DAB1: variants seen among roughly 807,000 people sequenced by gnomAD.
DAB1 encodes DAB adaptor protein 1.
DAB1 carries 15 observed loss-of-function variants against 64.6 expected under a neutral mutation model. The observed-to-expected ratio is 0.23, with a 90% CI of 0.16 to 0.36. The LOEUF (loss-of-function observed/expected upper bound fraction) is 0.36. Among genes scored for constraint, DAB1 ranks in the 10% least tolerant of loss-of-function variants. The pLI is 1.00. For synonymous variants in DAB1, 235 were observed against 251.9 expected, an observed-to-expected ratio of 0.93 and a Z score of 0.64; for missense variants, 596 against 706.7, an observed-to-expected ratio of 0.84 and a Z score of 1.78.
At chr1:58,448,112 T>C (rs941766212) in intron 3 of DAB1, among the ~76,000 whole-genome samples, 1 of 152,156 alleles carries the variant, frequency 6.6e-6, no homozygotes, top group Non-Finnish European at 1.5e-5. Flanking sequence ...AGGCTCCTTT[T>C]TCTTTTGCAG....
intron 4 of DAB1, among the ~76,000 whole-genome samples, chr1:58,195,136 GA>G (rs1557690669): frequency 1.2e-4 from 18 of 151,560 alleles, no homozygotes; most frequent in African/African-American, 4.1e-4. Flanking sequence ...GAGAGAGAGA[GA>G]GAGAGACAGA....
chr1:57,623,188 C>G (rs1297167547), intron 7 of DAB1, among the ~76,000 whole-genome samples: 1 of 152,144 alleles, frequency 6.6e-6, no homozygotes. Context: ...AGGGGGCCGG[C>G]AGAGCTGACA....
At chr1:58,341,359 T>TA (rs1219302364) in intron 4 of DAB1, among the ~76,000 whole-genome samples, 1 of 152,148 alleles carries the variant, frequency 6.6e-6, no homozygotes, top group Non-Finnish European at 1.5e-5. Context: ...GACACCTACT[T>TA]AGAAGCAAAA....
chr1:58,115,880 C>A (rs1652294566), intron 5 of DAB1, among the ~76,000 whole-genome samples: 1 of 128,328 alleles, frequency 7.8e-6, no homozygotes, highest in Non-Finnish European at 1.6e-5. Context: ...GGAGATATAC[C>A]TAATGCTAGA....
At chr1:58,244,289 T>G (rs1469019508) in intron 4 of DAB1, among the ~76,000 whole-genome samples, 1 of 152,218 alleles carries the variant, frequency 6.6e-6, no homozygotes, top group African/African-American at 2.4e-5. Context: ...TGATGATGGT[T>G]CTACTGCTGA....
At chr1:58,473,090 T>G (rs1645379265) in intron 3 of DAB1, among the ~76,000 whole-genome samples, 1 of 152,170 alleles carries the variant, frequency 6.6e-6, no homozygotes, top group Non-Finnish European at 1.5e-5. Context: ...TTGTCATGCT[T>G]TACAAACCAT....
chr1:58,476,029 G>A (rs560534569), intron 3 of DAB1, among the ~76,000 whole-genome samples: 114 of 152,022 alleles, frequency 7.5e-4, no homozygotes, highest in Non-Finnish European at 1.3e-3. Flanking sequence ...AAATTAACAA[G>A]TTAACTTTAA....
chr1:57,581,355 A>G (rs1248095869), intron 7 of DAB1, among the ~76,000 whole-genome samples: 1 of 152,234 alleles, frequency 6.6e-6, no homozygotes, highest in East Asian at 1.9e-4. Flanking sequence ...TAAAAATACT[A>G]TGAGCTTCAA....
intron 7 of DAB1, among the ~76,000 whole-genome samples, chr1:57,506,092 A>G (rs987500767): frequency 6.6e-6 from 1 of 152,182 alleles, no homozygotes; most frequent in Admixed American, 6.5e-5. Context: ...TTGGCTTGGT[A>G]ACTTATACTT....
At chr1:57,079,641 G>A (rs1309968763) in intron 4 of DAB1, among the ~76,000 whole-genome samples, 1 of 152,148 alleles carries the variant, frequency 6.6e-6, no homozygotes, top group Non-Finnish European at 1.5e-5. Context: ...GTAGGACCTG[G>A]CTGCTTCCCC....
chr1:57,090,564 C>T (rs541848653), intron 4 of DAB1, among the ~76,000 whole-genome samples: 2 of 152,256 alleles, frequency 1.3e-5, no homozygotes, highest in East Asian at 3.9e-4. Context: ...GGTTTATTAT[C>T]ACTTATTTGC....
chr1:57,559,487 G>A (rs1645026971), intron 7 of DAB1, among the ~76,000 whole-genome samples: 1 of 152,168 alleles, frequency 6.6e-6, no homozygotes, highest in South Asian at 2.1e-4. Context: ...GTGCATTGGG[G>A]AAAAGGAGAC....
At chr1:57,409,670 A>C (rs2101054049) in intron 1 of DAB1, among the ~76,000 whole-genome samples, 1 of 152,226 alleles carries the variant, frequency 6.6e-6, no homozygotes, top group African/African-American at 2.4e-5. Context: ...TTAGCTGGCC[A>C]TGGTGGTGGG....
At chr1:57,327,106 T>A (rs1676228416) in intron 1 of DAB1, among the ~76,000 whole-genome samples, 1 of 151,874 alleles carries the variant, frequency 6.6e-6, no homozygotes, top group South Asian at 2.1e-4. Context: ...ACTTGGCTAA[T>A]TTTTTTTATT....
In DAB1 at chr1:58,492,081, A is replaced by G. The variant is rs551154741; in HGVS notation, n.257+13979T>C. Among the ~76,000 whole-genome samples the G allele has an allele frequency of 2.6e-5, 4 of 152,364 alleles. No individual in the cohort carries two copies. In the East Asian group the frequency reaches 7.7e-4, roughly 29 times the overall value. ...CAAACTGTCTCTCAGACCACAGTGC[A>G]ATCAAACTAGAACTCAGGATTAAGA... On this transcript the variant is annotated intron_variant and non_coding_transcript_variant, in intron 3 of 20. Transcript: ENST00000485760.
intron 6 of DAB1, among the ~76,000 whole-genome samples, chr1:57,744,107 G>A (rs1048027413): frequency 6.6e-6 from 1 of 152,196 alleles, no homozygotes; most frequent in Admixed American, 6.5e-5. Context: ...CAGAGATTTT[G>A]TTTATGGCCA....
chr1:57,254,706 T>C (rs1570067510), intron 2 of DAB1, among the ~76,000 whole-genome samples: 1 of 152,272 alleles, frequency 6.6e-6, no homozygotes, highest in South Asian at 2.1e-4. Context: ...AAGCAATGAA[T>C]ATTAATTGTG....
intron 5 of DAB1, among the ~76,000 whole-genome samples, chr1:58,050,880 TG>T (rs1647605624): frequency 6.6e-6 from 1 of 152,138 alleles, no homozygotes; most frequent in Non-Finnish European, 1.5e-5. Flanking sequence ...TGATAGATTT[TG>T]TCTTGCTGAG....
chr1:57,995,745 A>C (rs1355886579), intron 5 of DAB1, among the ~76,000 whole-genome samples: 1 of 152,084 alleles, frequency 6.6e-6, no homozygotes, highest in African/African-American at 2.4e-5. Context: ...GGTAACCTTG[A>C]AAACTTTGAA....
Sources: allele counts gnomAD v4.1 joint callset (sites outside exome capture counted in the v4.1 genomes callset), GRCh38; gene constraint gnomAD v4.1.1; transcripts MANE v1.5; gene names NCBI Gene and HGNC (gene_info 2026-07-23, HGNC 2026-07-21).